PCDHGA6: variants seen among roughly 807,000 people sequenced by gnomAD.
PCDHGA6 encodes protocadherin gamma subfamily A, 6.
Under a neutral mutation model 60.6 loss-of-function variants are expected in PCDHGA6, and 41 were observed. That is an observed-to-expected ratio of 0.68 (90% CI 0.53 to 0.88). PCDHGA6 has a LOEUF of 0.88. PCDHGA6 is among the 40% of genes least tolerant of loss of function. PCDHGA6 has a pLI of 0.00. For synonymous variants in PCDHGA6, 594 were observed against 524.4 expected, an observed-to-expected ratio of 1.13 and a Z score of -1.81; for missense variants, 1,312 against 1,203.0, an observed-to-expected ratio of 1.09 and a Z score of -1.34.
intron 3 of PCDHGA6, 48 bp downstream of exon 3, chr5:141,505,529 T>C (rs1479433990): frequency 1.9e-6 from 3 of 1,612,066 alleles, no homozygotes; most frequent in Non-Finnish European, 2.5e-6. Context: ...CCTGGGGTTC[T>C]GGGGTGCATC....
chr5:141,475,254 C>T (rs776471860), intron 1 of PCDHGA6, among the ~76,000 whole-genome samples: 9 of 152,208 alleles, frequency 5.9e-5, no homozygotes, highest in Admixed American at 1.3e-4. Flanking sequence ...TGCTCTACAA[C>T]TGAGATCATG....
At chr5:141,427,156 T>G (rs533425641) in intron 1 of PCDHGA6, 10 of 456,890 alleles carry the variant, frequency 2.2e-5, no homozygotes, top group African/African-American at 2.0e-4. Flanking sequence ...AATATGTTTG[T>G]GCTAGACCAT....
At chr5:141,394,112 C>G (rs771784855) in intron 1 of PCDHGA6, 9 of 1,613,946 alleles carry the variant, frequency 5.6e-6, no homozygotes, top group African/African-American at 2.7e-5. Flanking sequence ...CACCTCTGTC[C>G]ACTGAAACTC....
Position 141,394,244 on chromosome 5 carries a change from C to G in PCDHGA6, c.2424+17737C>G, listed in dbSNP as rs371631729. Reference sequence around the variant, plus strand: ...CCTCCATCTTTTCCTTGACTGCACACGACCCCGACAGCCAGGAGAATGCCC... The same window carrying G: ...CCTCCATCTTTTCCTTGACTGCACAGGACCCCGACAGCCAGGAGAATGCCC... On this transcript the variant is annotated intron_variant, in intron 1 of 3. Coordinates refer to ENST00000517434, the MANE Select transcript of PCDHGA6 (RefSeq NM_018919.3). The G allele has an allele frequency of 1.2e-5, 19 of 1,613,820 alleles. No homozygotes were observed. Among genetic ancestry groups the G allele is most frequent in the Middle Eastern group, 1.6e-4 (1 of 6,084 alleles).
intron 1 of PCDHGA6, among the ~76,000 whole-genome samples, chr5:141,464,966 T>C (rs192224238): frequency 1.2e-3 from 178 of 152,274 alleles, no homozygotes; most frequent in Middle Eastern, 3.4e-3. Flanking sequence ...TGTCTTGAAC[T>C]ACTGGCTTCA....
At chr5:141,429,845 T>C (rs888160645) in intron 1 of PCDHGA6, among the ~76,000 whole-genome samples, 4 of 152,222 alleles carry the variant, frequency 2.6e-5, no homozygotes, top group Non-Finnish European at 1.5e-5. Context: ...GGTAAGTCTG[T>C]AACATTCTTT....
intron 2 of PCDHGA6, among the ~76,000 whole-genome samples, chr5:141,496,013 T>C (rs2154591828): frequency 6.6e-6 from 1 of 152,134 alleles, no homozygotes; most frequent in East Asian, 1.9e-4. Flanking sequence ...CTTGTCTTTT[T>C]TCTCTGAGCC....
intron 1 of PCDHGA6, chr5:141,389,498 A>C: frequency 6.2e-7 from 1 of 1,613,046 alleles, no homozygotes; most frequent in African/African-American, 1.3e-5. Context: ...AGGGCTCGCC[A>C]GCGCTCAGCG....
rs183723314 is a variant in PCDHGA6 at position 141,375,046 on chromosome 5, C to T, written c.963C>T (p.Ala321=). The T allele has an allele frequency of 2.1e-4, 333 of 1,613,912 alleles. 2 individuals are homozygous for T. The African/African-American group carries it at 4.0e-3, about 19-fold the overall frequency. The stretch of plus-strand genomic sequence containing the variant: ...GTTTTTATGAGCTGGGTGTTGAAGC[C>T]CGGGATGGGCCAGGTCTTCGAGACA... ...DSSFYELGVE[A]RDGPGLRDRA... Residue 321 remains alanine, a synonymous_variant, in exon 1 of 4, where the codon GCC becomes GCT. Coordinates refer to ENST00000517434, the MANE Select transcript of PCDHGA6 (RefSeq NM_018919.3).
At chr5:141,438,396 ACT>A (rs2097958956) in intron 1 of PCDHGA6, among the ~76,000 whole-genome samples, 2 of 150,930 alleles carry the variant, frequency 1.3e-5, no homozygotes, top group African/African-American at 4.9e-5. Context: ...TTCATCATTA[ACT>A]CTCTGAAGTA....
At chr5:141,393,228 G>C (rs753113857) in intron 1 of PCDHGA6, 2 of 1,613,720 alleles carry the variant, frequency 1.2e-6, no homozygotes, top group East Asian at 2.2e-5. Context: ...CGAAGATCTA[G>C]AAGTAAAAAT....
At chr5:141,379,059 G>A (rs1775341462) in intron 1 of PCDHGA6, 1 of 152,158 alleles carries the variant, frequency 6.6e-6, no homozygotes, top group Admixed American at 6.5e-5. Context: ...GAATGGATTG[G>A]CCACTTGTGC....
At position 141,404,477 on chromosome 5, in the gene PCDHGA6, T is replaced by C. The variant is rs750187565; in HGVS notation, c.2424+27970T>C. On this transcript the variant is annotated intron_variant, in intron 1 of 3. Coordinates refer to ENST00000517434, the MANE Select transcript of PCDHGA6 (RefSeq NM_018919.3). ...TCTCTCCACCTATGTCTCTATTAAC[T>C]CAGACACTGGTGTGCTGTATGCTCT... is the stretch of plus-strand genomic sequence containing the variant. The C allele has an allele frequency of 3.1e-6, 5 of 1,613,408 alleles. No individual in the cohort carries two copies. In the South Asian group the frequency reaches 4.4e-5, roughly 14 times the overall value.
At chr5:141,423,076 C>A in intron 1 of PCDHGA6, 1 of 1,614,128 alleles carries the variant, frequency 6.2e-7, no homozygotes, top group Non-Finnish European at 8.5e-7. Context: ...CGAGCCGGGA[C>A]TCTTCGCGGT....
chr5:141,451,579 A>G (rs1222576609), intron 1 of PCDHGA6, among the ~76,000 whole-genome samples: 1 of 152,084 alleles, frequency 6.6e-6, no homozygotes, highest in Non-Finnish European at 1.5e-5. Flanking sequence ...TTATAAACCT[A>G]ATTTTGAAAG....
Position 141,375,949 on chromosome 5 carries a change from C to T in PCDHGA6, c.1866C>T (p.His622=), listed in dbSNP as rs759212599. The change falls in exon 1 of 4, where the codon CAC becomes CAT. Residue 622 remains histidine, a synonymous_variant. Coordinates refer to ENST00000517434, the MANE Select transcript of PCDHGA6 (RefSeq NM_018919.3). The part of the protein sequence containing the change: ...SEPGLFSVGL[H]TGEVRTARAL... ...CAGGACTTTTCTCAGTGGGCCTGCACACGGGCGAGGTGCGCACGGCGCGCG... is the reference window on the plus strand; with the variant it reads ...CAGGACTTTTCTCAGTGGGCCTGCATACGGGCGAGGTGCGCACGGCGCGCG... 36 of 1,613,450 alleles carry T rather than the reference C, an allele frequency of 2.2e-5. No homozygotes were observed. The highest frequency in any genetic ancestry group is 2.7e-5 in the African/African-American group (2 of 74,938).
chr5:141,414,559 T>C (rs1330713312), intron 1 of PCDHGA6: 2 of 1,613,782 alleles, frequency 1.2e-6, no homozygotes, highest in Non-Finnish European at 1.7e-6. Flanking sequence ...AGTCTCCTAC[T>C]TTACCTATAT....
At chr5:141,417,517 T>C (rs2096127273) in intron 1 of PCDHGA6, 1 of 255,788 alleles carries the variant, frequency 3.9e-6, no homozygotes, top group East Asian at 7.9e-5. Flanking sequence ...ATATTTTGGC[T>C]GTCAACTCGT....
rs1360124362 is a variant in PCDHGA6 at position 141,489,688 on chromosome 5, G to A, written c.2425-5119G>A. On this transcript the variant is annotated intron_variant, in intron 1 of 3. Coordinates refer to ENST00000517434, the MANE Select transcript of PCDHGA6 (RefSeq NM_018919.3). This position sits in a 1 kb window ranked among gnomAD's most constrained non-coding sequence, Gnocchi z 4.5. The stretch of plus-strand genomic sequence containing the variant: ...CATCTCAGAATCAGCAGCATCTGGG[G>A]CACGATTCCCACTGGACAGTGCCCA... 6.2e-7 allele frequency: 1 copy of A among 1,614,150 alleles called. No homozygotes were observed. Among genetic ancestry groups the A allele is most frequent in the Non-Finnish European group, 8.5e-7 (1 of 1,180,012 alleles).
Sources: gnomAD v4.1 joint callset for allele counts (sites outside exome capture counted in the v4.1 genomes callset) on GRCh38, gnomAD v4.1.1 for gene constraint, Gnocchi (gnomAD v3.1) non-coding constraint, MANE v1.5 for transcripts, NCBI Gene and HGNC (gene_info 2026-07-23, HGNC 2026-07-21) for gene names.